Variants in MACROD2 observed in about 807,000 individuals in gnomAD.
MACROD2 encodes the protein mono-ADP ribosylhydrolase 2.
A neutral mutation model predicts 70.4 loss-of-function variants in MACROD2; 36 were observed. That is an observed-to-expected ratio of 0.51 (90% CI 0.39 to 0.68). The LOEUF is 0.68. Among genes scored for constraint, MACROD2 ranks in the 30% least tolerant of loss-of-function variants. The pLI, the probability that MACROD2 is intolerant of heterozygous loss-of-function variation, is 0.00. For synonymous variants in MACROD2, 172 were observed against 178.8 expected (o/e 0.96, Z 0.30); for missense variants, 496 against 538.4 (o/e 0.92, Z 0.78).
intron 5 of MACROD2, among the ~76,000 whole-genome samples, chr20:14,982,742 T>A (rs2074812721): frequency 6.6e-6 from 1 of 152,322 alleles, no homozygotes; most frequent in East Asian, 1.9e-4. Flanking sequence ...GTCTGGATGC[T>A]CAGGCAGAAG....
At chr20:15,666,336 A>C (rs6135478) in intron 8 of MACROD2, among the ~76,000 whole-genome samples, 57,704 of 152,088 alleles carry the variant, frequency 0.38, 12,351 homozygotes, top group Non-Finnish European at 0.48. Context: ...TCCATCTTCT[A>C]TTCAATGTGA....
intron 5 of MACROD2, among the ~76,000 whole-genome samples, chr20:15,026,303 T>C (rs988475197): frequency 6.6e-6 from 1 of 152,092 alleles, no homozygotes; most frequent in Non-Finnish European, 1.5e-5. Context: ...CCCTTTTGTT[T>C]CCAACAATTT....
intron 8 of MACROD2, among the ~76,000 whole-genome samples, chr20:15,579,188 G>C (rs2048490300): frequency 6.6e-6 from 1 of 152,092 alleles, no homozygotes; most frequent in Non-Finnish European, 1.5e-5. Flanking sequence ...GCCTCATCTT[G>C]CCTGTCTAGA....
chr20:16,032,189 T>C (rs1012999974), intron 15 of MACROD2, among the ~76,000 whole-genome samples: 6 of 152,108 alleles, frequency 3.9e-5, no homozygotes, highest in African/African-American at 1.2e-4. Flanking sequence ...CACCTGTAAG[T>C]GGGAGCTAAG....
chr20:15,226,879 T>A (rs572793293), intron 5 of MACROD2, among the ~76,000 whole-genome samples: 9 of 152,190 alleles, frequency 5.9e-5, no homozygotes, highest in African/African-American at 1.9e-4. Flanking sequence ...ACTTGATGAC[T>A]AAGGGGCTGG....
chr20:16,037,923 T>A (rs1276408866), intron 15 of MACROD2, among the ~76,000 whole-genome samples: 3 of 152,026 alleles, frequency 2.0e-5, no homozygotes. Context: ...CCACATTACC[T>A]TTCACATTTA....
rs898312909 is a variant in MACROD2 at position 15,154,700 on chromosome 20, G to C, written c.419-75240G>C. On this transcript the variant is annotated intron_variant, in intron 5 of 17. Coordinates refer to ENST00000684519, the MANE Select transcript of MACROD2 (RefSeq NM_001351661.2). ...TTCTCTAGGGCTCTCTGTTACTGGA[G>C]CACTAAGCCCATTCATAAGGGCTCC... Among the ~76,000 whole-genome samples, 20 of 152,174 alleles carry C rather than the reference G, an allele frequency of 1.3e-4. 1 individual carries two copies. Among genetic ancestry groups the C allele is most frequent in the Admixed American group, 2.6e-4 (4 of 15,284 alleles).
At chr20:15,850,009 C>A (rs11908162) in intron 8 of MACROD2, among the ~76,000 whole-genome samples, 6 of 152,100 alleles carry the variant, frequency 3.9e-5, no homozygotes, top group Non-Finnish European at 8.8e-5. Flanking sequence ...CGTACCTTAT[C>A]GGAGTGAGAA....
intron 8 of MACROD2, among the ~76,000 whole-genome samples, chr20:15,516,879 A>G (rs934281888): frequency 1.3e-5 from 2 of 152,108 alleles, no homozygotes; most frequent in African/African-American, 4.8e-5. Context: ...AATCACAGAT[A>G]TTTCCTATCA....
At chr20:14,917,378 C>A (rs1308615186) in intron 5 of MACROD2, among the ~76,000 whole-genome samples, 1 of 151,896 alleles carries the variant, frequency 6.6e-6, no homozygotes, top group Non-Finnish European at 1.5e-5. Context: ...CTGATTGTTC[C>A]ATTGTGGGTC....
chr20:15,777,121 T>A (rs2051734331), intron 8 of MACROD2, among the ~76,000 whole-genome samples: 1 of 152,186 alleles, frequency 6.6e-6, no homozygotes, highest in African/African-American at 2.4e-5. Flanking sequence ...CTTTTGCTGG[T>A]GCAGTTACTT....
intron 5 of MACROD2, among the ~76,000 whole-genome samples, chr20:15,016,026 A>G (rs1600950195): frequency 6.6e-6 from 1 of 152,142 alleles, no homozygotes; most frequent in East Asian, 1.9e-4. Flanking sequence ...TTTTCCACAT[A>G]AGTACACTGA....
intron 8 of MACROD2, among the ~76,000 whole-genome samples, chr20:15,502,377 G>T (rs1333242646): frequency 6.6e-6 from 1 of 152,176 alleles, no homozygotes; most frequent in South Asian, 2.1e-4. Context: ...TGTGGTTGAA[G>T]CAGAGAGACG....
chr20:14,852,193 G>A (rs2073206450), intron 5 of MACROD2, among the ~76,000 whole-genome samples: 1 of 152,032 alleles, frequency 6.6e-6, no homozygotes, highest in Non-Finnish European at 1.5e-5. Flanking sequence ...GAGCAGTCTG[G>A]CCGATGTGAG....
At position 15,952,811 on chromosome 20, in the gene MACROD2, C is replaced by CAA. The variant is rs143900985; in HGVS notation, c.908-14741_908-14740dup. Among the ~76,000 whole-genome samples the CAA allele has an allele frequency of 4.5e-3, 686 of 152,156 alleles. 4 individuals carry two copies. The highest frequency in any genetic ancestry group is 0.016 in the African/African-American group (654 of 41,522). On this transcript the variant is annotated intron_variant, in intron 12 of 17. Transcript: ENST00000684519. ...CTAATTTTCTCTAATTTTATCCAACCAATACTTAGGTTGGGTAACATGCCT... is the reference window on the plus strand; with the variant it reads ...CTAATTTTCTCTAATTTTATCCAACCAAAATACTTAGGTTGGGTAACATGCCT...
At chr20:15,992,153 C>T (rs138855095) in intron 15 of MACROD2, among the ~76,000 whole-genome samples, 3 of 152,168 alleles carry the variant, frequency 2.0e-5, no homozygotes, top group East Asian at 3.9e-4. Context: ...TGTGTATATG[C>T]GTAAAGTTAG....
chr20:14,369,600 C>A (rs959104143), intron 3 of MACROD2, among the ~76,000 whole-genome samples: 3 of 152,220 alleles, frequency 2.0e-5, no homozygotes, highest in Non-Finnish European at 2.9e-5. Flanking sequence ...GCTCTTGGAG[C>A]TACCTACTCC....
intron 15 of MACROD2, among the ~76,000 whole-genome samples, chr20:16,035,588 G>C (rs2147597104): frequency 6.6e-6 from 1 of 152,074 alleles, no homozygotes; most frequent in Middle Eastern, 3.4e-3. Context: ...ATTTCTATGG[G>C]ACAAAATTAA....
intron 3 of MACROD2, among the ~76,000 whole-genome samples, chr20:14,214,150 T>G (rs1335317733): frequency 6.6e-6 from 1 of 152,204 alleles, no homozygotes; most frequent in Non-Finnish European, 1.5e-5. Flanking sequence ...AAAACTGTAC[T>G]TATTAAAGTC....
Sources: allele counts gnomAD v4.1 joint callset (sites outside exome capture counted in the v4.1 genomes callset), GRCh38; gene constraint gnomAD v4.1.1; transcripts MANE v1.5; gene names NCBI Gene and HGNC (gene_info 2026-07-23, HGNC 2026-07-21).